Variants in INO80 observed in about 807,000 individuals in gnomAD.
INO80 encodes chromatin-remodeling ATPase INO80.
In INO80, 20 loss-of-function variants were observed where a neutral mutation model predicts 203.4. That is an observed-to-expected ratio of 0.10 (90% CI 0.07 to 0.14). The LOEUF (loss-of-function observed/expected upper bound fraction) is 0.14. Among genes scored for constraint, INO80 ranks in the 10% least tolerant of loss-of-function variants. INO80 has a pLI of 1.00. For synonymous variants in INO80, 726 were observed against 685.2 expected (o/e 1.06, Z -0.93); for missense variants, 1,419 against 1,914.4 (o/e 0.74, Z 4.83).
intron 26 of INO80, among the ~76,000 whole-genome samples, chr15:41,020,525 G>A (rs2044276999): frequency 6.6e-6 from 1 of 152,102 alleles, no homozygotes; most frequent in Non-Finnish European, 1.5e-5. Context: ...CACTGTTTAT[G>A]CTATTTAAAT....
intron 7 of INO80, among the ~76,000 whole-genome samples, chr15:41,083,488 T>C (rs187893002): frequency 8.0e-4 from 122 of 152,014 alleles, no homozygotes; most frequent in Admixed American, 1.8e-3. Flanking sequence ...AGCAGCTCAC[T>C]TGAGGTCGGG....
intron 9 of INO80, among the ~76,000 whole-genome samples, chr15:41,077,329 A>G (rs1466084898): frequency 6.6e-6 from 1 of 151,034 alleles, no homozygotes; most frequent in East Asian, 1.9e-4. Flanking sequence ...CCACTCTCCC[A>G]AAAGAAAAAC....
Position 41,073,482 on chromosome 15 carries a change from A to G in INO80, c.1341T>C (p.Phe447=), listed in dbSNP as rs759826144. 1.2e-6 allele frequency: 2 copies of G among 1,613,956 alleles called. No homozygotes were observed. Among genetic ancestry groups the G allele is most frequent in the Non-Finnish European group, 1.7e-6 (2 of 1,179,802 alleles). Residue 447 remains phenylalanine (F), a synonymous_variant, in exon 11 of 36, where the codon TTT becomes TTC. Coordinates refer to ENST00000648947, the MANE Select transcript of INO80 (RefSeq NM_017553.3). ...CAGCATTCTTCAGGGCCTGGGCTTT[A>G]AAATGGTTACTATCTGAAAAGCAAA... ...ITQEDYDSNH[F]KAQALKNAEN...
chr15:41,112,965 G>C (rs1395328382), intron 1 of INO80, among the ~76,000 whole-genome samples: 3 of 151,846 alleles, frequency 2.0e-5, no homozygotes, highest in Non-Finnish European at 4.4e-5. Flanking sequence ...GCCCAGGCTG[G>C]AGTGCAGTGG....
intron 35 of INO80, 123 bp downstream of exon 35, chr15:40,982,739 C>T: frequency 1.3e-6 from 1 of 751,510 alleles, no homozygotes; most frequent in East Asian, 2.5e-5. Context: ...AGAAGAACCC[C>T]AATTGGGGCT....
At position 40,980,143 on chromosome 15, in the gene INO80, G is replaced by A. The variant is rs1203896062; in HGVS notation, c.*80C>T. The stretch of plus-strand genomic sequence containing the variant: ...TGACTCAGGATGCAAGATGCTGCAC[G>A]GGGCAAGCCATCCAAAGACCACTGG... On this transcript the variant is annotated 3_prime_UTR_variant, in exon 36 of 36. Transcript: ENST00000648947. The A allele has an allele frequency of 5.6e-5, 16 of 288,078 alleles. No individual in the cohort carries two copies. The highest frequency in any genetic ancestry group is 4.1e-4 in the South Asian group (10 of 24,558). 17.8% of individuals were successfully genotyped at this position (288,078 alleles called of 1,614,324 possible).
chr15:41,104,390 T>C (rs115669821), intron 1 of INO80, among the ~76,000 whole-genome samples: 2,926 of 152,186 alleles, frequency 0.019, 88 homozygotes, highest in African/African-American at 0.067. Context: ...TCTGATCATA[T>C]TTCAGCTGCC....
chr15:41,021,817 C>T (rs2044299191), intron 25 of INO80, among the ~76,000 whole-genome samples: 1 of 152,216 alleles, frequency 6.6e-6, no homozygotes, highest in Admixed American at 6.5e-5. Context: ...TATAACCAAA[C>T]AACACTCAGC....
intron 7 of INO80, among the ~76,000 whole-genome samples, chr15:41,085,127 T>C (rs902386374): frequency 1.3e-5 from 2 of 152,214 alleles, no homozygotes; most frequent in Admixed American, 6.6e-5. Context: ...CTTGAAGAAG[T>C]TGTCCTCCAA....
intron 19 of INO80, among the ~76,000 whole-genome samples, chr15:41,052,034 G>A (rs2044884705): frequency 6.6e-6 from 1 of 152,054 alleles, no homozygotes; most frequent in African/African-American, 2.4e-5. Context: ...ATCTACTAGG[G>A]AGGCTGAGGT....
chr15:41,048,292 AT>A lies in INO80; in HGVS notation c.2577-17del. The A allele has an allele frequency of 6.2e-7, 1 of 1,602,102 alleles. No individual in the cohort carries two copies. Among genetic ancestry groups the A allele is most frequent in the Non-Finnish European group, 8.6e-7 (1 of 1,169,420 alleles). On this transcript the variant is annotated splice_polypyrimidine_tract_variant and intron_variant, in intron 21 of 35. Transcript: ENST00000648947. Reference sequence around the variant, plus strand: ...CCTTAACCACCTGCAAAGTAAGTAAATAAAATAAAGCCAAACCCAAACATAA... The same window carrying A: ...CCTTAACCACCTGCAAAGTAAGTAAAAAAATAAAGCCAAACCCAAACATAA...
Position 41,032,058 on chromosome 15 carries a change from C to G in INO80, c.2908-4322G>C, listed in dbSNP as rs1026101986. On this transcript the variant is annotated intron_variant, in intron 24 of 35. Coordinates refer to ENST00000648947, the MANE Select transcript of INO80 (RefSeq NM_017553.3). ...CACAGCACAGCACAGCACAGCACAG[C>G]ACAGGACAGCACAGGACAGCACAGC... Among the ~76,000 whole-genome samples, 211 of 69,984 alleles carry G rather than the reference C, an allele frequency of 3.0e-3. 1 individual carries two copies. Among genetic ancestry groups the G allele is most frequent in the South Asian group, 6.1e-3 (10 of 1,642 alleles). The allele number at this position is 69,984 out of a possible 152,430, so 45.9% of individuals were successfully genotyped here. A position where few individuals can be genotyped will look rare whatever the true frequency, so the allele number is the denominator to read the frequency against.
intron 24 of INO80, among the ~76,000 whole-genome samples, chr15:41,042,446 C>T (rs552203476): frequency 6.6e-6 from 1 of 152,246 alleles, no homozygotes; most frequent in Admixed American, 6.5e-5. Context: ...GCCAACACTC[C>T]TGGCCCTGAA....
At chr15:41,070,110 A>G (rs202066222) in intron 13 of INO80, among the ~76,000 whole-genome samples, 1 of 152,364 alleles carries the variant, frequency 6.6e-6, no homozygotes, top group East Asian at 1.9e-4. Context: ...TAAGCCTCAG[A>G]GAGTTAAGTT....
intron 14 of INO80, among the ~76,000 whole-genome samples, chr15:41,061,491 C>A (rs1353526690): frequency 1.4e-5 from 2 of 146,292 alleles, no homozygotes; most frequent in Non-Finnish European, 3.0e-5. Context: ...GGAGTGGTGG[C>A]ACACACCTGT....
At chr15:41,086,915 C>A (rs2045572155) in intron 6 of INO80, among the ~76,000 whole-genome samples, 1 of 152,144 alleles carries the variant, frequency 6.6e-6, no homozygotes, top group South Asian at 2.1e-4. Context: ...CTGTGCATAA[C>A]CAACTTCCTA....
At chr15:41,089,336 AG>A (rs1486362557) in intron 5 of INO80, among the ~76,000 whole-genome samples, 1 of 152,234 alleles carries the variant, frequency 6.6e-6, no homozygotes, top group Non-Finnish European at 1.5e-5. Context: ...CAGGTTTATA[AG>A]GTTCAGAATA....
intron 28 of INO80, among the ~76,000 whole-genome samples, chr15:40,999,648 C>T (rs1212796958): frequency 1.3e-5 from 2 of 152,148 alleles, no homozygotes; most frequent in African/African-American, 4.8e-5. Context: ...ATTCATAAAA[C>T]GCCATCTTTA....
At chr15:41,005,213 A>AG (rs2044022732) in intron 28 of INO80, 1 of 155,796 alleles carries the variant, frequency 6.4e-6, no homozygotes, top group African/African-American at 2.4e-5. Context: ...AAAAAAAAAA[A>AG]AAAAAAAAGA....
Sources: allele counts gnomAD v4.1 joint callset (sites outside exome capture counted in the v4.1 genomes callset), GRCh38; gene constraint gnomAD v4.1.1; transcripts MANE v1.5; gene names NCBI Gene and HGNC (gene_info 2026-07-23, HGNC 2026-07-21).